MCC: variants seen among roughly 807,000 people sequenced by gnomAD.
MCC encodes MCC regulator of Wnt signaling pathway.
In MCC, 90 loss-of-function variants were observed where a neutral mutation model predicts 116.2. The observed-to-expected ratio is 0.77, with a 90% CI of 0.65 to 0.92. The LOEUF (loss-of-function observed/expected upper bound fraction) is 0.92. Among genes scored for constraint, MCC ranks in the 40% least tolerant of loss-of-function variants. The pLI is 0.00. For missense variants in MCC, 1,516 were observed against 1,312.2 expected (o/e 1.16, Z -2.40); for synonymous variants, 578 against 510.5 (o/e 1.13, Z -1.78).
chr5:113,473,297 G>A (rs1266889452), intron 1 of MCC, among the ~76,000 whole-genome samples: 1 of 152,128 alleles, frequency 6.6e-6, no homozygotes, highest in African/African-American at 2.4e-5. Context: ...GACAAGACAG[G>A]AGGATCACTT....
intron 1 of MCC, among the ~76,000 whole-genome samples, chr5:113,414,022 G>C (rs1191091664): frequency 1.3e-5 from 2 of 152,122 alleles, no homozygotes; most frequent in Middle Eastern, 3.4e-3. Flanking sequence ...CCTTCATTTT[G>C]TTATTTACCT....
chr5:113,460,297 C>G (rs1771708736), intron 1 of MCC, among the ~76,000 whole-genome samples: 1 of 152,180 alleles, frequency 6.6e-6, no homozygotes, highest in Non-Finnish European at 1.5e-5. Flanking sequence ...TGTGACACAT[C>G]ATCTGAGGCA....
chr5:113,029,735 C>G (rs1750825141), intron 17 of MCC, among the ~76,000 whole-genome samples: 1 of 152,190 alleles, frequency 6.6e-6, no homozygotes, highest in Non-Finnish European at 1.5e-5. Context: ...TCATTGCCTT[C>G]CTCTAATTCC....
chr5:113,152,266 C>T (rs548892172), intron 3 of MCC, among the ~76,000 whole-genome samples: 13 of 152,224 alleles, frequency 8.5e-5, no homozygotes, highest in Non-Finnish European at 1.8e-4. Flanking sequence ...GCTGCACACA[C>T]ACCTACCACA....
At chr5:113,089,986 G>T (rs998686475) in intron 8 of MCC, among the ~76,000 whole-genome samples, 2 of 152,204 alleles carry the variant, frequency 1.3e-5, no homozygotes, top group African/African-American at 4.8e-5. Context: ...AAACAACTGG[G>T]TATGTAAGAG....
At chr5:113,415,964 T>C (rs1770132488) in intron 1 of MCC, among the ~76,000 whole-genome samples, 1 of 152,228 alleles carries the variant, frequency 6.6e-6, no homozygotes, top group Admixed American at 6.5e-5. Context: ...GGTGAGGCTG[T>C]CCTTTTTGTT....
intron 3 of MCC, among the ~76,000 whole-genome samples, chr5:113,158,798 A>G (rs916357898): frequency 6.6e-5 from 10 of 152,252 alleles, no homozygotes; most frequent in East Asian, 1.9e-4. Context: ...CCAACCTAAC[A>G]GTACCGGAGA....
chr5:113,032,052 G>A (rs1750988948), intron 17 of MCC, among the ~76,000 whole-genome samples: 1 of 152,172 alleles, frequency 6.6e-6, no homozygotes, highest in Non-Finnish European at 1.5e-5. Context: ...CCTAAAATTT[G>A]GGTTGGTTGA....
intron 4 of MCC, among the ~76,000 whole-genome samples, chr5:113,144,039 A>C (rs532640361): frequency 2.0e-4 from 30 of 152,340 alleles, no homozygotes; most frequent in Non-Finnish European, 3.5e-4. Context: ...TATTTAGCCT[A>C]GCACCGGCAA....
chr5:113,035,320 G>C (rs181547525), intron 17 of MCC, among the ~76,000 whole-genome samples: 25 of 152,250 alleles, frequency 1.6e-4, no homozygotes, highest in Admixed American at 2.6e-4. Context: ...TCCTGCCATT[G>C]TCACCACACC....
chr5:113,123,915 T>C (rs1287524273), intron 5 of MCC, among the ~76,000 whole-genome samples: 1 of 152,116 alleles, frequency 6.6e-6, no homozygotes, highest in Non-Finnish European at 1.5e-5. Flanking sequence ...GAGAAGAAAG[T>C]CTACAGTGTT....
At chr5:113,446,931 A>AC (rs942247500) in intron 1 of MCC, among the ~76,000 whole-genome samples, 4 of 152,034 alleles carry the variant, frequency 2.6e-5, no homozygotes, top group Non-Finnish European at 5.9e-5. Context: ...CTGCACATGT[A>AC]CCCCCTGAAT....
At chr5:113,240,312 G>A (rs1764318445) in intron 3 of MCC, among the ~76,000 whole-genome samples, 2 of 152,010 alleles carry the variant, frequency 1.3e-5, no homozygotes, top group African/African-American at 4.8e-5. Context: ...AGTCACTCCT[G>A]GACTTATATG....
At chr5:113,102,492 A>G (rs1219261677) in intron 7 of MCC, among the ~76,000 whole-genome samples, 1 of 152,244 alleles carries the variant, frequency 6.6e-6, no homozygotes, top group African/African-American at 2.4e-5. Flanking sequence ...CAGTCTCAAG[A>G]TGTGAAAGAC....
intron 17 of MCC, among the ~76,000 whole-genome samples, chr5:113,039,246 C>T (rs1310976333): frequency 2.0e-5 from 3 of 152,226 alleles, no homozygotes; most frequent in Non-Finnish European, 2.9e-5. Context: ...AAGACGAGAT[C>T]TCGCTATGTT....
At position 113,474,968 on chromosome 5, in the gene MCC, C is replaced by A. The variant is rs571799739; in HGVS notation, c.170+13277G>T. On this transcript the variant is annotated intron_variant, in intron 1 of 18. Coordinates refer to ENST00000408903, the MANE Select transcript of MCC (RefSeq NM_001085377.2). ...GAATATTTTGTTAAGCTTCTCATTTCTCAGAAAGAAGTTCTGAAATTTTAT... is the reference window on the plus strand; with the variant it reads ...GAATATTTTGTTAAGCTTCTCATTTATCAGAAAGAAGTTCTGAAATTTTAT... Among the ~76,000 whole-genome samples the A allele has an allele frequency of 1.6e-3, 240 of 152,280 alleles. 1 individual carries two copies. The highest frequency in any genetic ancestry group is 3.4e-3 in the Middle Eastern group (1 of 294).
At chr5:113,377,842 T>C (rs1769022742) in intron 2 of MCC, among the ~76,000 whole-genome samples, 1 of 152,124 alleles carries the variant, frequency 6.6e-6, no homozygotes, top group African/African-American at 2.4e-5. Flanking sequence ...AACTCCCAAT[T>C]AAATATTGGA....
At chr5:113,073,474 T>A (rs1001712495) in intron 11 of MCC, among the ~76,000 whole-genome samples, 2 of 152,362 alleles carry the variant, frequency 1.3e-5, no homozygotes, top group East Asian at 3.9e-4. Flanking sequence ...ACACTTCGAA[T>A]AAAGAGTAAA....
intron 4 of MCC, among the ~76,000 whole-genome samples, chr5:113,146,975 T>C (rs1759562450): frequency 6.6e-6 from 1 of 152,152 alleles, no homozygotes; most frequent in Admixed American, 6.5e-5. Flanking sequence ...ATTAGGAGTC[T>C]AGATTTGTCT....
Sources: gnomAD v4.1 joint callset for allele counts (sites outside exome capture counted in the v4.1 genomes callset) on GRCh38, gnomAD v4.1.1 for gene constraint, MANE v1.5 for transcripts, NCBI Gene and HGNC (gene_info 2026-07-23, HGNC 2026-07-21) for gene names.